The following LARGE1 variants were observed in gnomAD, a reference collection of about 807,000 sequenced individuals.
LARGE1 encodes the protein LARGE xylosyl- and glucuronyltransferase 1, also known as xylosyl- and glucuronyltransferase LARGE1.
A neutral mutation model predicts 87.6 loss-of-function variants in LARGE1; 43 were observed. The ratio of observed to expected loss-of-function variants is 0.49; its 90% CI spans 0.38 to 0.63. LARGE1 has a LOEUF of 0.63. LARGE1 is among the 30% of genes least tolerant of loss of function. The pLI is 0.00. For missense variants in LARGE1, 802 were observed against 1,000.2 expected, an observed-to-expected ratio of 0.80 and a Z score of 2.67; for synonymous variants, 434 against 394.6, an observed-to-expected ratio of 1.10 and a Z score of -1.18.
intron 7 of LARGE1, among the ~76,000 whole-genome samples, chr22:33,408,521 C>T (rs184225734): frequency 1.4e-3 from 217 of 152,174 alleles, no homozygotes; most frequent in African/African-American, 4.8e-3. Flanking sequence ...CGTGGCCTTC[C>T]CCTATTTATC....
chr22:33,753,935 A>T (rs1056502993), intron 2 of LARGE1, among the ~76,000 whole-genome samples: 1 of 151,914 alleles, frequency 6.6e-6, no homozygotes, highest in Non-Finnish European at 1.5e-5. Flanking sequence ...GGGGGTGGGC[A>T]CCTGTAATCC....
intron 1 of LARGE1, among the ~76,000 whole-genome samples, chr22:33,917,582 A>G (rs2065824066): frequency 6.6e-6 from 1 of 152,236 alleles, no homozygotes; most frequent in Non-Finnish European, 1.5e-5. Context: ...TATGCAGTCA[A>G]AAACCAAACA....
At position 33,617,514 on chromosome 22, in the gene LARGE1, A is replaced by G. The variant is rs538158247; in HGVS notation, c.491+8730T>C. On this transcript the variant is annotated intron_variant, in intron 4 of 14. Coordinates refer to ENST00000397394, the MANE Select transcript of LARGE1 (RefSeq NM_133642.5). ...GAATAATTTTCTCAATATATGATTC[A>G]AGGCTATTTAGTTTTATATTTGTAT... Among the ~76,000 whole-genome samples the G allele has an allele frequency of 2.0e-5, 3 of 152,362 alleles. No homozygotes were observed. The East Asian group carries it at 5.8e-4, about 29-fold the overall frequency.
chr22:33,735,353 T>C (rs770453116), intron 2 of LARGE1, among the ~76,000 whole-genome samples: 49 of 152,226 alleles, frequency 3.2e-4, no homozygotes, highest in South Asian at 6.2e-4. Flanking sequence ...ACCACCCCTT[T>C]GAGAACCATG....
intron 2 of LARGE1, chr22:33,723,720 C>CCCCTTT (rs2083178600): frequency 6.6e-6 from 1 of 151,618 alleles, no homozygotes; most frequent in Admixed American, 6.6e-5. Flanking sequence ...ATTCTGAGCC[C>CCCCTTT]CCCTTTTTTC....
intron 2 of LARGE1, 88 bp from the exon 3 acceptor site, chr22:33,650,756 G>T: frequency 6.9e-7 from 1 of 1,451,014 alleles, no homozygotes; most frequent in Non-Finnish European, 9.4e-7. Context: ...TTACTACATG[G>T]CGAGGCTCCT....
intron 11 of LARGE1, among the ~76,000 whole-genome samples, chr22:33,256,973 A>G (rs1217377145): frequency 6.6e-6 from 1 of 152,232 alleles, no homozygotes; most frequent in East Asian, 1.9e-4. Flanking sequence ...CGGGAGGCCA[A>G]GGCAGATGGA....
rs192698449 is a variant in LARGE1 at position 33,509,651 on chromosome 22, T to C, written c.787+55197A>G. ...TTTTTTGGTACAGATAGGGTCTTGCTATACTGCCCAATCTGGTCTCAAACT... is the reference window on the plus strand; with the variant it reads ...TTTTTTGGTACAGATAGGGTCTTGCCATACTGCCCAATCTGGTCTCAAACT... On this transcript the variant is annotated intron_variant, in intron 6 of 14. Coordinates refer to ENST00000397394, the MANE Select transcript of LARGE1 (RefSeq NM_133642.5). 6.3e-3 allele frequency among the ~76,000 whole-genome samples: 952 copies of C among 152,146 alleles called. 9 individuals carry two copies. Among genetic ancestry groups the C allele is most frequent in the Admixed American group, 9.8e-3 (149 of 15,280 alleles).
chr22:33,711,265 C>G (rs1603221716), intron 2 of LARGE1, among the ~76,000 whole-genome samples: 1 of 152,164 alleles, frequency 6.6e-6, no homozygotes, highest in African/African-American at 2.4e-5. Flanking sequence ...GCGAAGCGTC[C>G]AGGGGGTCTG....
rs532457799 is a variant in LARGE1 at position 33,499,645 on chromosome 22, T to G, written c.787+65203A>C. ...ATGAAGCAATCCATTCCTTCATTAT[T>G]TAACTCAATATGGTAGAGATTTTAT... On this transcript the variant is annotated intron_variant, in intron 6 of 14. Transcript: ENST00000397394. Among the ~76,000 whole-genome samples the G allele has an allele frequency of 6.0e-5, 9 of 150,874 alleles. 1 individual carries two copies. The South Asian group carries it at 1.9e-3, about 32-fold the overall frequency.
intron 13 of LARGE1, among the ~76,000 whole-genome samples, chr22:33,279,740 G>A (rs116425946): frequency 4.9e-4 from 75 of 152,314 alleles, no homozygotes; most frequent in African/African-American, 1.7e-3. Context: ...TGTCAATTTC[G>A]GGCATGATCC....
chr22:33,661,106 A>G (rs2081109570), intron 2 of LARGE1, among the ~76,000 whole-genome samples: 2 of 152,238 alleles, frequency 1.3e-5, no homozygotes, highest in Non-Finnish European at 2.9e-5. Context: ...TGCATTCATC[A>G]TACTGAGTAT....
At chr22:33,568,188 C>T (rs2078084147) in intron 5 of LARGE1, among the ~76,000 whole-genome samples, 1 of 152,098 alleles carries the variant, frequency 6.6e-6, no homozygotes, top group African/African-American at 2.4e-5. Flanking sequence ...AGGCAGTGAC[C>T]TTCAGCAGAG....
chr22:33,404,098 T>G lies in LARGE1; in HGVS notation c.893-19794A>C, dbSNP rs149425758. On this transcript the variant is annotated intron_variant, in intron 7 of 14. Coordinates refer to ENST00000397394, the MANE Select transcript of LARGE1 (RefSeq NM_133642.5). ...GTAAGTAGGTTAAACATATAGTCTA[T>G]TGTATGATAAGAACAAAGCAGGGAG... 4.6e-3 allele frequency among the ~76,000 whole-genome samples: 701 copies of G among 152,330 alleles called. 4 individuals carry two copies. The highest frequency in any genetic ancestry group is 0.016 in the African/African-American group (668 of 41,570).
the LARGE1 span, chr22:33,108,665 T>C: frequency 6.6e-6 from 1 of 152,082 alleles, no homozygotes; most frequent in Non-Finnish European, 1.5e-5. Context: ...TTTCTGACAA[T>C]GGGGTGGAAG....
chr22:33,877,998 T>TTA (rs920782816), intron 1 of LARGE1, among the ~76,000 whole-genome samples: 14 of 151,432 alleles, frequency 9.2e-5, no homozygotes, highest in South Asian at 2.1e-4. Flanking sequence ...ACATTTGAAT[T>TTA]TATATATATA....
chr22:33,134,811 G>A, the LARGE1 span, among the ~76,000 whole-genome samples: 3 of 152,278 alleles, frequency 2.0e-5, no homozygotes, highest in South Asian at 6.2e-4. Context: ...GATCATTGTA[G>A]AGTGATCATC....
chr22:33,384,689 C>T (rs547371929), intron 7 of LARGE1, among the ~76,000 whole-genome samples: 5 of 148,234 alleles, frequency 3.4e-5, no homozygotes, highest in African/African-American at 1.2e-4. Flanking sequence ...TGGTGGTGGC[C>T]GCACAACAAT....
intron 1 of LARGE1, among the ~76,000 whole-genome samples, chr22:33,817,481 C>G (rs1026874080): frequency 6.6e-6 from 1 of 152,036 alleles, no homozygotes; most frequent in East Asian, 1.9e-4. Flanking sequence ...TGGGGCAGAC[C>G]CCACAACCTT....
Sources: allele counts gnomAD v4.1 joint callset (sites outside exome capture counted in the v4.1 genomes callset), GRCh38; gene constraint gnomAD v4.1.1; transcripts MANE v1.5; gene names NCBI Gene and HGNC (gene_info 2026-07-23, HGNC 2026-07-21).